RUNX1T1: variants seen among roughly 807,000 people sequenced by gnomAD.
RUNX1T1 encodes protein CBFA2T1.
RUNX1T1 carries 4 observed loss-of-function variants against 62.8 expected under a neutral mutation model. The observed-to-expected ratio is 0.06, with a 90% CI of 0.03 to 0.15. The LOEUF (loss-of-function observed/expected upper bound fraction) is 0.15, where lower values mean the gene tolerates loss of function less well. RUNX1T1 is among the 10% of genes least tolerant of loss of function. RUNX1T1 has a pLI of 1.00. For synonymous variants in RUNX1T1, 291 were observed against 286.0 expected, an observed-to-expected ratio of 1.02 and a Z score of -0.18; for missense variants, 508 against 754.3, an observed-to-expected ratio of 0.67 and a Z score of 3.82.
intron 1 of RUNX1T1, among the ~76,000 whole-genome samples, chr8:92,037,396 C>T (rs1827622247): frequency 6.6e-6 from 1 of 152,134 alleles, no homozygotes; most frequent in African/African-American, 2.4e-5. Context: ...AAGTCCTTCT[C>T]ATCAGGTGCG....
intron 1 of RUNX1T1, among the ~76,000 whole-genome samples, chr8:92,084,493 A>T (rs1835788534): frequency 2.6e-5 from 4 of 152,212 alleles, no homozygotes; most frequent in Admixed American, 2.0e-4. Context: ...CTCAGCAGTG[A>T]AATATTTCAG....
intron 8 of RUNX1T1, among the ~76,000 whole-genome samples, chr8:91,981,389 T>G (rs1459267654): frequency 7.7e-6 from 1 of 130,344 alleles, no homozygotes; most frequent in Non-Finnish European, 1.6e-5. Flanking sequence ...TTCAACAAAC[T>G]CCTAAGTTAC....
chr8:92,020,456 T>C (rs1171529566), intron 1 of RUNX1T1, among the ~76,000 whole-genome samples: 1 of 152,176 alleles, frequency 6.6e-6, no homozygotes, highest in Admixed American at 6.5e-5. Context: ...AATTATAGTG[T>C]CCTGGTATGT....
At chr8:91,970,732 T>C (rs748656078) in exon 10 of RUNX1T1, 34 of 1,613,774 alleles carry the variant, frequency 2.1e-5, no homozygotes, top group Non-Finnish European at 2.9e-5. Flanking sequence ...TCGGCGACCG[T>C]GCGCTCCATC....
At chr8:91,959,533 G>A (rs1011551563) in exon 11 of RUNX1T1, 3 of 184,190 alleles carry the variant, frequency 1.6e-5, no homozygotes, top group African/African-American at 4.9e-5. Flanking sequence ...TTTGTATTAT[G>A]GCATTTTTTT....
At chr8:92,094,650 T>C (rs533304170) in intron 1 of RUNX1T1, among the ~76,000 whole-genome samples, 6 of 152,258 alleles carry the variant, frequency 3.9e-5, no homozygotes, top group African/African-American at 1.4e-4. Flanking sequence ...TAATGATCAA[T>C]CCCAAAGCCT....
intron 3 of RUNX1T1, 21 bp from the exon 5 acceptor site, chr8:92,011,112 T>TTATACTAC: frequency 7.8e-7 from 1 of 1,289,380 alleles, no homozygotes; most frequent in Non-Finnish European, 1.1e-6. Flanking sequence ...AAATATGTAG[T>TTATACTAC]ATAAATACAT....
chr8:91,979,679 G>A (rs1336290973), intron 8 of RUNX1T1: 2 of 338,530 alleles, frequency 5.9e-6, no homozygotes, highest in African/African-American at 4.3e-5. Flanking sequence ...GAAGAGAGGA[G>A]ACCAGGTCAG....
exon 11 of RUNX1T1, chr8:91,959,014 A>C (rs180805186): frequency 2.3e-4 from 49 of 209,366 alleles, no homozygotes; most frequent in Middle Eastern, 1.6e-3. Flanking sequence ...TAAAAGCAGC[A>C]TAGAAAGATA....
chr8:92,068,337 C>T (rs1833177200), intron 2 of RUNX1T1, among the ~76,000 whole-genome samples: 2 of 152,134 alleles, frequency 1.3e-5, no homozygotes, highest in South Asian at 4.1e-4. Context: ...CTCATCTTGA[C>T]TAATGGCGAG....
intron 1 of RUNX1T1, among the ~76,000 whole-genome samples, chr8:92,039,890 C>T (rs1828126991): frequency 6.6e-6 from 1 of 152,192 alleles, no homozygotes; most frequent in African/African-American, 2.4e-5. Context: ...GACACTGTGG[C>T]CCATCAGGTC....
At chr8:92,038,068 T>TTATTTATTTATG (rs927087554) in intron 1 of RUNX1T1, among the ~76,000 whole-genome samples, 1 of 151,934 alleles carries the variant, frequency 6.6e-6, no homozygotes, top group African/African-American at 2.4e-5. Context: ...ATTTATTTAT[T>TTATTTATTTATG]TATGTATTCT....
intron 1 of RUNX1T1, among the ~76,000 whole-genome samples, chr8:92,023,598 C>T (rs1824548177): frequency 6.6e-6 from 1 of 152,210 alleles, no homozygotes; most frequent in Non-Finnish European, 1.5e-5. Context: ...GTCCAATTCT[C>T]CCTCTTTAGT....
At chr8:92,064,644 T>C (rs1373906218), upstream of RUNX1T1, among the ~76,000 whole-genome samples, 2 of 152,298 alleles carry the variant, frequency 1.3e-5, no homozygotes, top group South Asian at 2.1e-4. Context: ...ACTATACTTA[T>C]GTTAGAAAGA....
intron 8 of RUNX1T1, among the ~76,000 whole-genome samples, chr8:91,981,809 A>C (rs1407231762): frequency 6.6e-6 from 1 of 152,176 alleles, no homozygotes; most frequent in Non-Finnish European, 1.5e-5. Context: ...CTAAACTCTT[A>C]ACAAAACAGA....
At chr8:91,980,574 A>G (rs1815003228) in intron 8 of RUNX1T1, among the ~76,000 whole-genome samples, 1 of 152,206 alleles carries the variant, frequency 6.6e-6, no homozygotes. Flanking sequence ...ATACTTATGA[A>G]TCCACTGTAA....
intron 3 of RUNX1T1, among the ~76,000 whole-genome samples, chr8:92,011,437 T>TA (rs773420935): frequency 7.9e-5 from 12 of 152,226 alleles, no homozygotes; most frequent in Non-Finnish European, 1.8e-4. Flanking sequence ...TGGATGTATT[T>TA]AAAAGCATAA....
chr8:91,997,651 T>C (rs1313892728), intron 5 of RUNX1T1, among the ~76,000 whole-genome samples: 2 of 152,112 alleles, frequency 1.3e-5, no homozygotes, highest in Non-Finnish European at 2.9e-5. Flanking sequence ...CCAAGTCCTA[T>C]TGCTGATCTC....
At chr8:91,970,043 T>TGTGTTGTG (rs11374252) in intron 10 of RUNX1T1, among the ~76,000 whole-genome samples, 27 of 142,810 alleles carry the variant, frequency 1.9e-4, no homozygotes, top group African/African-American at 4.0e-4. Flanking sequence ...TGTGTGTGTG[T>TGTGTTGTG]TGTGTGTGTG....
Sources: allele counts gnomAD v4.1 joint callset (sites outside exome capture counted in the v4.1 genomes callset), GRCh38; gene constraint gnomAD v4.1.1; transcripts MANE v1.5; gene names NCBI Gene and HGNC (gene_info 2026-07-23, HGNC 2026-07-21).